FMN1: variants seen among roughly 807,000 people sequenced by gnomAD.
The protein encoded by FMN1 is formin 1.
A neutral mutation model predicts 132.4 loss-of-function variants in FMN1; 110 were observed. The observed-to-expected ratio is 0.83, with a 90% CI of 0.71 to 0.97. FMN1 has a LOEUF of 0.97. Among genes scored for constraint, FMN1 ranks in the 50% least tolerant of loss-of-function variants. FMN1 has a pLI of 0.00. For missense variants in FMN1, 1,792 were observed against 1,705.3 expected, an observed-to-expected ratio of 1.05 and a Z score of -0.90; for synonymous variants, 722 against 651.7, an observed-to-expected ratio of 1.11 and a Z score of -1.64.
chr15:32,808,860 C>A (rs1190766734), intron 17 of FMN1, among the ~76,000 whole-genome samples: 1 of 150,706 alleles, frequency 6.6e-6, no homozygotes, highest in Non-Finnish European at 1.5e-5. Flanking sequence ...TTTCAGTAGA[C>A]AAGAATTTTG....
intron 16 of FMN1, among the ~76,000 whole-genome samples, chr15:32,859,639 T>C (rs1280750203): frequency 6.6e-6 from 1 of 152,254 alleles, no homozygotes; most frequent in Non-Finnish European, 1.5e-5. Context: ...TTAATATTTA[T>C]GTAAAAGTCC....
chr15:33,022,391 C>A (rs914397996), intron 6 of FMN1, among the ~76,000 whole-genome samples: 6 of 152,082 alleles, frequency 3.9e-5, no homozygotes, highest in Non-Finnish European at 8.8e-5. Flanking sequence ...CAAACTGAAA[C>A]AACCACTTTT....
chr15:33,051,784 T>G (rs897427211), intron 6 of FMN1, among the ~76,000 whole-genome samples: 2 of 152,142 alleles, frequency 1.3e-5, no homozygotes, highest in African/African-American at 4.8e-5. Context: ...CCACTGCACA[T>G]GCTGATAGCC....
At chr15:33,004,978 G>A (rs1049746808) in intron 7 of FMN1, among the ~76,000 whole-genome samples, 1 of 152,110 alleles carries the variant, frequency 6.6e-6, no homozygotes, top group African/African-American at 2.4e-5. Flanking sequence ...TCATAGGTGG[G>A]ACTTGAACAA....
At chr15:33,050,704 A>C (rs1253410193) in intron 6 of FMN1, among the ~76,000 whole-genome samples, 2 of 152,212 alleles carry the variant, frequency 1.3e-5, no homozygotes, top group East Asian at 3.8e-4. Context: ...AGGACACAAC[A>C]ATTCCACTTC....
chr15:33,041,588 C>G (rs1265324631), intron 6 of FMN1, among the ~76,000 whole-genome samples: 3 of 151,188 alleles, frequency 2.0e-5, no homozygotes, highest in African/African-American at 7.3e-5. Flanking sequence ...TCCAAGAAGA[C>G]ATACAAATGG....
intron 16 of FMN1, among the ~76,000 whole-genome samples, chr15:32,881,826 T>TA (rs1156545114): frequency 6.6e-6 from 1 of 152,176 alleles, no homozygotes; most frequent in East Asian, 1.9e-4. Context: ...AAAATTCCCT[T>TA]ACCTTCTCAT....
At chr15:33,184,602 C>T (rs1358751117) in intron 2 of FMN1, among the ~76,000 whole-genome samples, 1 of 151,456 alleles carries the variant, frequency 6.6e-6, no homozygotes, top group African/African-American at 2.4e-5. Context: ...CTCCCGGGTT[C>T]AAGCAATTCT....
intron 2 of FMN1, among the ~76,000 whole-genome samples, chr15:33,181,934 T>C (rs1216606872): frequency 6.6e-6 from 1 of 152,114 alleles, no homozygotes; most frequent in African/African-American, 2.4e-5. Flanking sequence ...GCTCTCGAAC[T>C]CCTGACCTCA....
chr15:33,020,213 C>T (rs1306114370), intron 6 of FMN1, among the ~76,000 whole-genome samples: 1 of 152,146 alleles, frequency 6.6e-6, no homozygotes, highest in Non-Finnish European at 1.5e-5. Flanking sequence ...AGGACGGAGC[C>T]CTCAACTTGT....
At chr15:32,972,779 T>C (rs2031895125) in intron 7 of FMN1, among the ~76,000 whole-genome samples, 1 of 152,212 alleles carries the variant, frequency 6.6e-6, no homozygotes, top group South Asian at 2.1e-4. Flanking sequence ...ACTTGGTACC[T>C]TGAGATCATA....
At position 32,804,303 on chromosome 15, in the gene FMN1, G is replaced by A. The variant is rs749304995; in HGVS notation, c.3958C>T (p.His1320Tyr). The A allele has an allele frequency of 1.3e-6, 2 of 1,568,898 alleles. No homozygotes were observed. The highest frequency in any genetic ancestry group is 1.2e-5 in the South Asian group (1 of 85,132). Reference protein sequence around the residue: ...AKKEHKMEESHLENAQKSFET... With the variant: ...AKKEHKMEESYLENAQKSFET... Reference sequence around the variant, plus strand: ...TACCTTTTCTGTGCATTCTCCAAGTGACTTTCTTCCATCTTATGCTCTTTT... The same window carrying A: ...TACCTTTTCTGTGCATTCTCCAAGTAACTTTCTTCCATCTTATGCTCTTTT... The change falls in exon 18 of 21, where the codon CAC (histidine) becomes TAC (tyrosine). Residue 1320 changes from histidine to tyrosine, a missense_variant. His to Tyr is a moderately conservative substitution (Grantham distance 83, BLOSUM62 2). Coordinates refer to ENST00000616417, the MANE Select transcript of FMN1 (RefSeq NM_001277313.2).
At position 32,810,800 on chromosome 15, in the gene FMN1, G is replaced by A. The variant is rs11853086; in HGVS notation, c.3929-6468C>T. 2,433 of 306,538 alleles carry A rather than the reference G, an allele frequency of 7.9e-3. 40 individuals are homozygous for A. The highest frequency in any genetic ancestry group is 0.032 in the African/African-American group (1,459 of 46,266). The allele number at this position is 306,538 out of a possible 1,614,324, so 19.0% of individuals were successfully genotyped here. On this transcript the variant is annotated intron_variant, in intron 17 of 20. Coordinates refer to ENST00000616417, the MANE Select transcript of FMN1 (RefSeq NM_001277313.2). ...ATAAGGGGAAGGGATAAGGGTTGGA[G>A]TATCTTCCTAGTATTCTTTACACAG... is the stretch of plus-strand genomic sequence containing the variant.
At chr15:33,068,099 A>C in intron 5 of FMN1, 2 of 1,287,182 alleles carry the variant, frequency 1.6e-6, no homozygotes, top group Non-Finnish European at 2.0e-6. Context: ...AACTGTGAAA[A>C]ATCTGTGGAG....
chr15:33,150,244 A>G lies in FMN1; in HGVS notation c.1867+2804T>C, dbSNP rs958664847. On this transcript the variant is annotated intron_variant, in intron 4 of 20. Coordinates refer to ENST00000616417, the MANE Select transcript of FMN1 (RefSeq NM_001277313.2). ...GAAAGGAATCCTAGCACCAAGCTCC[A>G]AGGACACTGCTTTGCAGGCTAGCAC... 4.3e-5 allele frequency: 42 copies of G among 985,458 alleles called. No individual in the cohort carries two copies. In the African/African-American group the frequency reaches 6.8e-4, roughly 16 times the overall value. 61.0% of individuals were successfully genotyped at this position (985,458 alleles called of 1,614,324 possible).
At chr15:33,175,421 TTA>T (rs1965482464) in intron 3 of FMN1, among the ~76,000 whole-genome samples, 1 of 152,130 alleles carries the variant, frequency 6.6e-6, no homozygotes, top group African/African-American at 2.4e-5. Context: ...ACTTCCTAGG[TTA>T]TTTCAAGGGA....
intron 6 of FMN1, among the ~76,000 whole-genome samples, chr15:33,033,130 A>T (rs1388587657): frequency 6.7e-6 from 1 of 149,316 alleles, no homozygotes; most frequent in Non-Finnish European, 1.5e-5. Context: ...TCCTGGGTTC[A>T]CGCCATTCTC....
intron 5 of FMN1, among the ~76,000 whole-genome samples, chr15:33,070,388 T>C (rs77853387): frequency 2.2e-5 from 1 of 45,044 alleles, no homozygotes; most frequent in Non-Finnish European, 4.6e-5. Context: ...TATTTGGTCT[T>C]TTTTTTTTTT....
At chr15:32,863,347 T>C (rs1245486498) in intron 16 of FMN1, among the ~76,000 whole-genome samples, 2 of 152,130 alleles carry the variant, frequency 1.3e-5, no homozygotes, top group East Asian at 3.9e-4. Flanking sequence ...GGCAGGAGAA[T>C]GGCGTGAACC....
Sources: gnomAD v4.1 joint callset for allele counts (sites outside exome capture counted in the v4.1 genomes callset) on GRCh38, gnomAD v4.1.1 for gene constraint, MANE v1.5 for transcripts, NCBI Gene and HGNC (gene_info 2026-07-23, HGNC 2026-07-21) for gene names.